The following FAM120AOS variants were observed in gnomAD, a reference collection of about 807,000 sequenced individuals.
FAM120AOS encodes the protein uncharacterized protein FAM120AOS.
In FAM120AOS, 15 loss-of-function variants were observed where a neutral mutation model predicts 20.2. The observed-to-expected ratio is 0.74, with a 90% CI of 0.50 to 1.15. The LOEUF is 1.15. FAM120AOS is among the 50% of genes most tolerant of loss of function. FAM120AOS has a pLI of 0.00. For missense variants in FAM120AOS, 327 were observed against 351.9 expected (o/e 0.93, Z 0.57); for synonymous variants, 154 against 154.0 (o/e 1.00, Z 0.00).
chr9:93,449,645 G>C (rs1428837763), intron 2 of FAM120AOS, among the ~76,000 whole-genome samples: 1 of 151,436 alleles, frequency 6.6e-6, no homozygotes, highest in East Asian at 2.0e-4. Context: ...GCACCACCAC[G>C]CTCGGCTAAT....
chr9:93,449,729 G>A (rs1370651863), intron 2 of FAM120AOS, among the ~76,000 whole-genome samples: 2 of 151,914 alleles, frequency 1.3e-5, no homozygotes, highest in Admixed American at 1.3e-4. Flanking sequence ...CTCGTGATCT[G>A]CCCGCCTCGG....
intron 2 of FAM120AOS, among the ~76,000 whole-genome samples, chr9:93,449,982 T>TTTTA (rs143319909): frequency 2.6e-5 from 4 of 152,148 alleles, no homozygotes; most frequent in Admixed American, 2.0e-4. Flanking sequence ...GTATTATTTC[T>TTTTA]TTTATTTATT....
Position 93,452,768 on chromosome 9 carries a change from C to G in FAM120AOS, c.-59G>C. On this transcript the variant is annotated 5_prime_UTR_variant, in exon 1 of 3. An upstream open reading frame in the 5' UTR loses its in-frame stop. Transcript: ENST00000375412. This position sits in a 1 kb window ranked among gnomAD's most constrained non-coding sequence, Gnocchi z 7.0. ...CAACTTTGACAAAATACTCCCTTTTCTAATTTAGCCTGTTCTTTCCCAGCA... is the reference window on the plus strand; with the variant it reads ...CAACTTTGACAAAATACTCCCTTTTGTAATTTAGCCTGTTCTTTCCCAGCA... 1 of 1,596,316 alleles carries G rather than the reference C, an allele frequency of 6.3e-7. No homozygotes were observed. The highest frequency in any genetic ancestry group is 8.5e-7 in the Non-Finnish European group (1 of 1,179,338).
rs200786156 is a variant in FAM120AOS, at chr9:93,445,291, A to AT, written c.*2319dup. On this transcript the variant is annotated 3_prime_UTR_variant, in exon 3 of 3. Transcript: ENST00000375412. ...TCATCCCTGAAAGGTCTGAGAAAAA[A>AT]TAAAAAAAAATTGTGTATAGTTTTG... Among the ~76,000 whole-genome samples the AT allele has an allele frequency of 0.026, 3,645 of 141,864 alleles. 74 individuals are homozygous for AT. The highest frequency in any genetic ancestry group is 0.038 in the African/African-American group (1,291 of 34,346). The allele number at this position is 141,864 out of a possible 152,430, so 93.1% of individuals were successfully genotyped here.
In FAM120AOS at chr9:93,444,729, C is replaced by G. The variant is rs1464661947; in HGVS notation, c.*2882G>C. 2.6e-5 allele frequency among the ~76,000 whole-genome samples: 4 copies of G among 152,092 alleles called. No homozygotes were observed. The highest frequency in any genetic ancestry group is 1.5e-5 in the Non-Finnish European group (1 of 68,040). On this transcript the variant is annotated 3_prime_UTR_variant, in exon 3 of 3. Transcript: ENST00000375412. ...TCCCAGGTTCAAGGGATTCTTCTGC[C>G]TCAGCCTCCCTAGTAGCTGGGATTA...
At position 93,445,662 on chromosome 9, in the gene FAM120AOS, C is replaced by T. The variant is rs376169203; in HGVS notation, c.*1949G>A. 6.0e-5 allele frequency among the ~76,000 whole-genome samples: 8 copies of T among 133,870 alleles called. No homozygotes were observed. The highest frequency in any genetic ancestry group is 1.1e-4 in the African/African-American group (4 of 35,390). 87.8% of individuals were successfully genotyped at this position (133,870 alleles called of 152,430 possible). A position where few individuals can be genotyped will look rare whatever the true frequency, so the allele number is the denominator to read the frequency against. On this transcript the variant is annotated 3_prime_UTR_variant, in exon 3 of 3. Coordinates refer to ENST00000375412, the MANE Select transcript of FAM120AOS (RefSeq NM_198841.4). ...TGGAGTGCAAGTGGTGTAATCTGGGCTCACTCCAACCTCCACCACCTTGGC... is the reference window on the plus strand; with the variant it reads ...TGGAGTGCAAGTGGTGTAATCTGGGTTCACTCCAACCTCCACCACCTTGGC...
Position 93,452,642 on chromosome 9 carries a change from G to A in FAM120AOS, c.68C>T (p.Ser23Phe). 1.3e-6 allele frequency: 2 copies of A among 1,599,212 alleles called. No individual in the cohort carries two copies. The highest frequency in any genetic ancestry group is 1.7e-6 in the Non-Finnish European group (2 of 1,179,914). Residue 23 changes from serine (S) to phenylalanine (F), a missense_variant, in exon 1 of 3, where the codon TCC (serine) becomes TTC (phenylalanine). Ser to Phe is a radical substitution (Grantham distance 155). Coordinates refer to ENST00000375412, the MANE Select transcript of FAM120AOS (RefSeq NM_198841.4). This position sits in a 1 kb window ranked among gnomAD's most constrained non-coding sequence, Gnocchi z 7.0. Reference sequence around the variant, plus strand: ...CCGCGTGGGGACACTTGAGGGCTGGGAGAGAGCCCCGGACCAGAATTCGGA... The same window carrying A: ...CCGCGTGGGGACACTTGAGGGCTGGAAGAGAGCCCCGGACCAGAATTCGGA... Reference protein sequence around the residue: ...VASEFWSGALSQPSSVPTRPR... With the variant: ...VASEFWSGALFQPSSVPTRPR...
rs1288993320 is a variant in FAM120AOS, at chr9:93,453,090, C to G, written c.-381G>C. 9.4e-7 allele frequency: 1 copy of G among 1,062,382 alleles called. No individual in the cohort carries two copies. The highest frequency in any genetic ancestry group is 1.1e-6 in the Non-Finnish European group (1 of 878,886). The allele number at this position is 1,062,382 out of a possible 1,614,324, so 65.8% of individuals were successfully genotyped here. On this transcript the variant is annotated 5_prime_UTR_variant, in exon 1 of 3. Transcript: ENST00000375412. ...TTTTGTCAGTTCTGTGACTTCACGT[C>G]CGTGTGAAAGAGGTCTTTAAGGCAG...
Position 93,443,914 on chromosome 9 carries a change from C to CT in FAM120AOS, c.*3696dup, listed in dbSNP as rs1327334729. On this transcript the variant is annotated 3_prime_UTR_variant, in exon 3 of 3. Transcript: ENST00000375412. The stretch of plus-strand genomic sequence containing the variant: ...GCTCATTTTGCCAAAAGGAACGCCC[C>CT]TCAGGCAGAAAGCAGAGAGAGAAAA... Among the ~76,000 whole-genome samples the CT allele has an allele frequency of 1.3e-5, 2 of 152,208 alleles. No homozygotes were observed. The highest frequency in any genetic ancestry group is 4.8e-5 in the African/African-American group (2 of 41,450).
chr9:93,450,435 T>C (rs1588748364), intron 2 of FAM120AOS, 44 bp downstream of exon 2: 1 of 1,531,370 alleles, frequency 6.5e-7, no homozygotes. Context: ...CTGGCTTGCA[T>C]TTGAGGTGGG....
chr9:93,447,250 C>G lies in FAM120AOS; in HGVS notation c.*361G>C, dbSNP rs1856879609. 4.8e-6 allele frequency: 1 copy of G among 208,506 alleles called. No homozygotes were observed. The highest frequency in any genetic ancestry group is 2.3e-5 in the African/African-American group (1 of 43,788). 12.9% of individuals were successfully genotyped at this position (208,506 alleles called of 1,614,324 possible). On this transcript the variant is annotated 3_prime_UTR_variant, in exon 3 of 3. Coordinates refer to ENST00000375412, the MANE Select transcript of FAM120AOS (RefSeq NM_198841.4). ...TGCAAGTATCTATTTGTCTATATGT[C>G]TGTCTACCTTGGTAGGTTGGGCTCC...
rs1326049123 is a variant in FAM120AOS, at chr9:93,451,403, G to A, written c.563+744C>T. ...GGCCTCTCTGGCCCTGCCGGGAACA[G>A]GGCGCAGGGGAGGGGAGCGGCGGCC... On this transcript the variant is annotated intron_variant, in intron 1 of 2. Coordinates refer to ENST00000375412, the MANE Select transcript of FAM120AOS (RefSeq NM_198841.4). 3 of 1,365,864 alleles carry A rather than the reference G, an allele frequency of 2.2e-6. No individual in the cohort carries two copies. The African/African-American group carries it at 4.6e-5, about 21-fold the overall frequency. The allele number at this position is 1,365,864 out of a possible 1,614,324, so 84.6% of individuals were successfully genotyped here. A position where few individuals can be genotyped will look rare whatever the true frequency, so the allele number is the denominator to read the frequency against.
At chr9:93,450,826 A>G in intron 1 of FAM120AOS, 5 of 913,596 alleles carry the variant, frequency 5.5e-6, no homozygotes, top group Non-Finnish European at 8.8e-6. Flanking sequence ...AGATGCTACT[A>G]AAGCAACAAG....
chr9:93,452,930 A>C lies in FAM120AOS; in HGVS notation c.-221T>G, dbSNP rs139318841. The C allele has an allele frequency of 7.4e-4, 1,055 of 1,418,448 alleles. 5 individuals carry two copies. In the African/African-American group the frequency reaches 0.013, roughly 18 times the overall value. 87.9% of individuals were successfully genotyped at this position (1,418,448 alleles called of 1,614,324 possible). ...AGCCCGGTGACAGCGAGACGTGTCT[A>C]AGGGCCAGTGCCCTGGCCTCTACTT... On this transcript the variant is annotated 5_prime_UTR_variant, in exon 1 of 3. Transcript: ENST00000375412. The surrounding 1 kb of genome is among the most constrained non-coding windows in gnomAD (Gnocchi z 7.0).
chr9:93,450,365 CCTG>C, intron 2 of FAM120AOS, 111 bp downstream of exon 2: 2 of 1,447,908 alleles, frequency 1.4e-6, no homozygotes, highest in Non-Finnish European at 1.8e-6. Context: ...AACTTGTCAG[CCTG>C]CTTTTAAATG....
At chr9:93,451,285 T>C in intron 1 of FAM120AOS, 1 of 1,470,960 alleles carries the variant, frequency 6.8e-7, no homozygotes, top group South Asian at 1.4e-5. Context: ...CAAAGCGCCA[T>C]CTTATCGCTG....
rs1564289175 is a variant in FAM120AOS, at chr9:93,445,596, T to TG, written c.*2014_*2015insC. Among the ~76,000 whole-genome samples the TG allele has an allele frequency of 2.8e-5, 4 of 142,412 alleles. No homozygotes were observed. The highest frequency in any genetic ancestry group is 1.1e-4 in the African/African-American group (4 of 36,430). The allele number at this position is 142,412 out of a possible 152,430, so 93.4% of individuals were successfully genotyped here. On this transcript the variant is annotated 3_prime_UTR_variant, in exon 3 of 3. Transcript: ENST00000375412. ...ATAAAAATCGTTGTTTTTTTTTTTT[T>TG]TTTTTTTTTTTGAGACAAGGCCTCA...
rs769951169 is a variant in FAM120AOS, at chr9:93,445,493, C to T, written c.*2118G>A. Among the ~76,000 whole-genome samples, 2 of 151,644 alleles carry T rather than the reference C, an allele frequency of 1.3e-5. No individual in the cohort carries two copies. Among genetic ancestry groups the T allele is most frequent in the Admixed American group, 6.6e-5 (1 of 15,224 alleles). Reference sequence around the variant, plus strand: ...GAGTGGGGTTCATTCATGTCATCAACAGCATCCCAGCTGTATTGTTAAAAG... The same window carrying T: ...GAGTGGGGTTCATTCATGTCATCAATAGCATCCCAGCTGTATTGTTAAAAG... On this transcript the variant is annotated 3_prime_UTR_variant, in exon 3 of 3. Coordinates refer to ENST00000375412, the MANE Select transcript of FAM120AOS (RefSeq NM_198841.4).
rs1290003532 is a variant in FAM120AOS at position 93,444,291 on chromosome 9, T to C, written c.*3320A>G. Among the ~76,000 whole-genome samples the C allele has an allele frequency of 2.0e-5, 3 of 152,042 alleles. No homozygotes were observed. Among genetic ancestry groups the C allele is most frequent in the Non-Finnish European group, 4.4e-5 (3 of 67,946 alleles). On this transcript the variant is annotated 3_prime_UTR_variant, in exon 3 of 3. Coordinates refer to ENST00000375412, the MANE Select transcript of FAM120AOS (RefSeq NM_198841.4). ...CTGACTTCAGGTGATCCACCCGTCT[T>C]GGCCTCCCAAAGTGCTGGGATGACA...
Sources: allele counts gnomAD v4.1 joint callset (sites outside exome capture counted in the v4.1 genomes callset), GRCh38; gene constraint gnomAD v4.1.1; non-coding constraint Gnocchi (gnomAD v3.1); transcripts MANE v1.5; gene names NCBI Gene and HGNC (gene_info 2026-07-23, HGNC 2026-07-21).